The following STXBP5L variants were observed in gnomAD, a reference collection of about 807,000 sequenced individuals.
STXBP5L encodes the protein syntaxin-binding protein 5-like.
A neutral mutation model predicts 144.5 loss-of-function variants in STXBP5L; 65 were observed. The observed-to-expected ratio is 0.45, with a 90% CI of 0.37 to 0.55. The LOEUF (loss-of-function observed/expected upper bound fraction) is 0.55. Among genes scored for constraint, STXBP5L ranks in the 20% least tolerant of loss-of-function variants. The probability of loss-of-function intolerance (pLI) is 0.00; values close to 1 mark genes in which losing one functional copy is unlikely to be tolerated. For missense variants in STXBP5L, 1,298 were observed against 1,405.5 expected, an observed-to-expected ratio of 0.92 and a Z score of 1.22; for synonymous variants, 505 against 469.6, an observed-to-expected ratio of 1.08 and a Z score of -0.97.
chr3:121,026,023 AATTTT>A (rs1313343520), intron 3 of STXBP5L, among the ~76,000 whole-genome samples: 3 of 140,140 alleles, frequency 2.1e-5, no homozygotes, highest in Non-Finnish European at 4.8e-5. Context: ...ATATATTTAT[AATTTT>A]ATAAGTTATA....
chr3:121,195,991 G>A (rs1025270543), intron 9 of STXBP5L, among the ~76,000 whole-genome samples: 2 of 152,082 alleles, frequency 1.3e-5, no homozygotes, highest in Non-Finnish European at 2.9e-5. Flanking sequence ...GATGCCTCCA[G>A]CGTTGTTATT....
At chr3:121,070,509 G>C (rs1281070779) in intron 5 of STXBP5L, among the ~76,000 whole-genome samples, 1 of 152,074 alleles carries the variant, frequency 6.6e-6, no homozygotes, top group African/African-American at 2.4e-5. Context: ...CTACTATTAG[G>C]TTATAGTTAT....
intron 25 of STXBP5L, among the ~76,000 whole-genome samples, chr3:121,416,182 A>G (rs1158975137): frequency 6.6e-6 from 1 of 152,036 alleles, no homozygotes; most frequent in East Asian, 1.9e-4. Context: ...ATATTAGGAA[A>G]TTGTTTAACA....
At chr3:121,216,931 C>A (rs1030918139) in intron 10 of STXBP5L, among the ~76,000 whole-genome samples, 7 of 152,268 alleles carry the variant, frequency 4.6e-5, no homozygotes, top group African/African-American at 1.2e-4. Context: ...CTTTGTGGAG[C>A]TGTGGTGGGC....
At chr3:121,195,293 C>A (rs906871260) in intron 9 of STXBP5L, among the ~76,000 whole-genome samples, 1 of 151,870 alleles carries the variant, frequency 6.6e-6, no homozygotes. Flanking sequence ...TTTTGTCAAC[C>A]GTTTTGACCT....
At chr3:121,105,401 A>AATAAATAAATAAATAAATAT in intron 5 of STXBP5L, among the ~76,000 whole-genome samples, 1 of 152,032 alleles carries the variant, frequency 6.6e-6, no homozygotes, top group Admixed American at 6.6e-5. Context: ...TCTCAAAATA[A>AATAAATAAATAAATAAATAT]ATAAATAAAT....
chr3:121,109,703 G>A (rs540444227), intron 5 of STXBP5L, among the ~76,000 whole-genome samples: 1 of 152,284 alleles, frequency 6.6e-6, no homozygotes, highest in African/African-American at 2.4e-5. Context: ...TGCTGTTTTT[G>A]GATAGAGAGT....
At chr3:121,177,440 G>A (rs1369618424) in intron 9 of STXBP5L, among the ~76,000 whole-genome samples, 1 of 152,062 alleles carries the variant, frequency 6.6e-6, no homozygotes, top group East Asian at 1.9e-4. Flanking sequence ...AATTTTTAAA[G>A]TAGGCAGCCA....
At chr3:121,109,304 C>G (rs1373561717) in intron 5 of STXBP5L, among the ~76,000 whole-genome samples, 1 of 151,780 alleles carries the variant, frequency 6.6e-6, no homozygotes, top group African/African-American at 2.4e-5. Flanking sequence ...TCTTGGTTCT[C>G]TAGTCGTGAT....
chr3:121,356,474 TG>T (rs1410603435), intron 20 of STXBP5L, among the ~76,000 whole-genome samples: 1 of 152,262 alleles, frequency 6.6e-6, no homozygotes, highest in Non-Finnish European at 1.5e-5. Context: ...AGCAAGGCTC[TG>T]TGGGCATGGG....
chr3:120,935,572 C>T (rs1710219351), intron 2 of STXBP5L, among the ~76,000 whole-genome samples: 1 of 151,932 alleles, frequency 6.6e-6, no homozygotes, highest in African/African-American at 2.4e-5. Flanking sequence ...GACAAATTCC[C>T]TCAATTTTTG....
intron 2 of STXBP5L, among the ~76,000 whole-genome samples, chr3:120,931,407 G>A (rs1421632770): frequency 6.6e-6 from 1 of 152,118 alleles, no homozygotes; most frequent in Non-Finnish European, 1.5e-5. Flanking sequence ...TGATTCCACA[G>A]TGGTTTTATT....
intron 19 of STXBP5L, among the ~76,000 whole-genome samples, chr3:121,299,584 A>G (rs2051804256): frequency 6.6e-6 from 1 of 152,172 alleles, no homozygotes; most frequent in Admixed American, 6.6e-5. Flanking sequence ...AAAAATAATA[A>G]TAATAATTAA....
intron 3 of STXBP5L, among the ~76,000 whole-genome samples, chr3:120,999,959 G>T (rs925901594): frequency 2.0e-5 from 3 of 152,100 alleles, no homozygotes; most frequent in Non-Finnish European, 4.4e-5. Context: ...TAGCTTACAG[G>T]GTTTCTGCTG....
intron 3 of STXBP5L, among the ~76,000 whole-genome samples, chr3:120,990,221 G>T (rs1385289136): frequency 6.6e-6 from 1 of 152,016 alleles, no homozygotes; most frequent in Admixed American, 6.6e-5. Flanking sequence ...GCTTCAAAGA[G>T]AATAAAATCC....
intron 3 of STXBP5L, among the ~76,000 whole-genome samples, chr3:121,018,805 A>T (rs1945328137): frequency 6.6e-6 from 1 of 152,172 alleles, no homozygotes; most frequent in African/African-American, 2.4e-5. Context: ...GCATGTGGAG[A>T]CCCACATCAT....
Position 121,039,051 on chromosome 3 carries a change from C to T in STXBP5L, c.288-2649C>T, listed in dbSNP as rs931262669. On this transcript the variant is annotated intron_variant, in intron 3 of 26. Coordinates refer to ENST00000471454, the MANE Select transcript of STXBP5L (RefSeq NM_001308330.2). ...ACTTAGGTCTGCATTTTTGTCTTTT[C>T]TCACAATCACTGCATTTTAAATGGG... is the stretch of plus-strand genomic sequence containing the variant. Among the ~76,000 whole-genome samples, 4 of 151,864 alleles carry T rather than the reference C, an allele frequency of 2.6e-5. No homozygotes were observed. The South Asian group carries it at 8.3e-4, about 31-fold the overall frequency.
intron 5 of STXBP5L, among the ~76,000 whole-genome samples, chr3:121,111,305 G>C (rs1349524530): frequency 6.6e-6 from 1 of 152,114 alleles, no homozygotes; most frequent in Non-Finnish European, 1.5e-5. Flanking sequence ...ATAATTTGGA[G>C]GAGGAGAAGC....
intron 5 of STXBP5L, among the ~76,000 whole-genome samples, chr3:121,086,802 C>T (rs1477720904): frequency 6.6e-6 from 1 of 151,926 alleles, no homozygotes; most frequent in Non-Finnish European, 1.5e-5. Context: ...CAACCTGTAC[C>T]ATGTAATCTA....
Sources: allele counts gnomAD v4.1 joint callset (sites outside exome capture counted in the v4.1 genomes callset), GRCh38; gene constraint gnomAD v4.1.1; transcripts MANE v1.5; gene names NCBI Gene and HGNC (gene_info 2026-07-23, HGNC 2026-07-21).